The following SYTL2 variants were observed in gnomAD, a reference collection of about 807,000 sequenced individuals.
SYTL2 encodes synaptotagmin like 2.
Under a neutral mutation model 198.7 loss-of-function variants are expected in SYTL2, and 165 were observed. That is an observed-to-expected ratio of 0.83 (90% CI 0.73 to 0.94). The LOEUF is 0.94. Ranked by LOEUF, SYTL2 falls within the 40% of genes least tolerant of loss-of-function variation. SYTL2 has a pLI of 0.00. For missense variants in SYTL2, 2,835 were observed against 2,582.8 expected, an observed-to-expected ratio of 1.10 and a Z score of -2.12; for synonymous variants, 966 against 917.7, an observed-to-expected ratio of 1.05 and a Z score of -0.95.
chr11:85,786,650 G>A (rs2092640388), intron 1 of SYTL2, among the ~76,000 whole-genome samples: 1 of 152,168 alleles, frequency 6.6e-6, no homozygotes, highest in Admixed American at 6.5e-5. Context: ...TGCATGGCAG[G>A]TCGAGAGAGG....
the SYTL2 span, among the ~76,000 whole-genome samples, chr11:85,822,783 C>G: frequency 1.3e-5 from 2 of 152,174 alleles, no homozygotes; most frequent in Non-Finnish European, 2.9e-5. Context: ...ATCCAAAGAG[C>G]CTGGCAGAGA....
intron 3 of SYTL2, 53 bp from the exon 4 acceptor site, chr11:85,745,825 A>G: frequency 1.3e-6 from 2 of 1,558,340 alleles, no homozygotes; most frequent in East Asian, 2.3e-5. Flanking sequence ...TCCATGACCT[A>G]CAACTCTCTT....
In SYTL2 at chr11:85,745,712, T is replaced by C. The variant is rs1200626089; in HGVS notation, c.314A>G (p.Lys105Arg). 2 of 1,613,744 alleles carry C rather than the reference T, an allele frequency of 1.2e-6. No individual in the cohort carries two copies. Among genetic ancestry groups the C allele is most frequent in the South Asian group, 2.2e-5 (2 of 91,072 alleles). The change falls in exon 4 of 20, where the codon AAA becomes AGA. Residue 105 changes from lysine to arginine, a missense_variant. By Grantham distance (26) the Lys-to-Arg change is conservative. This residue lies in a region of SYTL2 where 2,645 missense variants were observed against 2,381.7 expected (regional missense o/e 1.11). Transcript: ENST00000359152. ...CAGCTCTGGAGGAAGGAAAGCATCT[T>C]TGTTGACATTATTCACCCAGCTTTC... ...AKESWVNNVN[K>R]DAFLPPELAG...
rs1217210557 is a variant in SYTL2 at position 85,727,969 on chromosome 11, T to C, written c.1391-2A>G. The C allele has an allele frequency of 6.4e-7, 1 of 1,574,608 alleles. No individual in the cohort carries two copies. On this transcript the variant is annotated splice_acceptor_variant, in intron 7 of 19. Transcript: ENST00000359152. LOFTEE classifies it high-confidence loss of function. Reference sequence around the variant, plus strand: ...GCTCAACACAATGAGACAGTTCATCTGCAACATAGAAATACTTTTCTAAAT... The same window carrying C: ...GCTCAACACAATGAGACAGTTCATCCGCAACATAGAAATACTTTTCTAAAT...
the SYTL2 span, among the ~76,000 whole-genome samples, chr11:85,835,877 T>G: frequency 6.6e-6 from 1 of 152,186 alleles, no homozygotes; most frequent in South Asian, 2.1e-4. Context: ...GGACAAGGTT[T>G]GAGAAAGAAG....
In SYTL2 at chr11:85,709,760, G is replaced by A. The variant is rs375502923; in HGVS notation, c.5746-260C>T. On this transcript the variant is annotated intron_variant, in intron 13 of 19. Coordinates refer to ENST00000359152, the MANE Select transcript of SYTL2 (RefSeq NM_206927.4). The stretch of plus-strand genomic sequence containing the variant: ...TGCAGTGGCTTGATCTCGGCTCACT[G>A]CAACCTCCACCTCCCAGGTTCAGGC... Among the ~76,000 whole-genome samples, 93 of 152,264 alleles carry A rather than the reference G, an allele frequency of 6.1e-4. 2 individuals are homozygous for A. The South Asian group carries it at 0.019, about 31-fold the overall frequency.
At chr11:85,837,046 G>C in the SYTL2 span, among the ~76,000 whole-genome samples, 1 of 152,186 alleles carries the variant, frequency 6.6e-6, no homozygotes. Context: ...GTAGTGAGGA[G>C]AGAAAATTCC....
chr11:85,852,155 C>T, the SYTL2 span, among the ~76,000 whole-genome samples: 16 of 152,226 alleles, frequency 1.1e-4, no homozygotes, highest in East Asian at 2.9e-3. Context: ...ATTAATATAA[C>T]ACAGCATGAA....
At chr11:85,786,108 G>C (rs183837349) in intron 1 of SYTL2, among the ~76,000 whole-genome samples, 2 of 152,276 alleles carry the variant, frequency 1.3e-5, no homozygotes, top group East Asian at 1.9e-4. Flanking sequence ...CAACTTGGAT[G>C]AATCTCAAGG....
rs1485419707 is a variant in SYTL2, at chr11:85,726,611, A to G, written c.2747T>C (p.Val916Ala). 1 of 1,548,766 alleles carries G rather than the reference A, an allele frequency of 6.5e-7. No individual in the cohort carries two copies. Among genetic ancestry groups the G allele is most frequent in the South Asian group, 1.2e-5 (1 of 86,142 alleles). Residue 916 changes from valine (V) to alanine (A), a missense_variant, in exon 8 of 20, where the codon GTG becomes GCG. This residue lies in a region of SYTL2 where 2,645 missense variants were observed against 2,381.7 expected (regional missense o/e 1.11). Transcript: ENST00000359152. ...KKNEPIKRSQ[V>A]ADSLPSRRNI... ...TCTTCTAGAAGGCAAACTGTCTGCC[A>G]CTTGTGATCTTTTTATAGGCTCATT...
the SYTL2 span, among the ~76,000 whole-genome samples, chr11:85,837,533 G>A: frequency 1.3e-5 from 2 of 152,128 alleles, no homozygotes; most frequent in Non-Finnish European, 2.9e-5. Context: ...CCTATCAGAA[G>A]AATATACTTC....
At position 85,726,657 on chromosome 11, in the gene SYTL2, A is replaced by G. The variant is rs2153468120; in HGVS notation, c.2701T>C (p.Ser901Pro). 1 of 1,536,870 alleles carries G rather than the reference A, an allele frequency of 6.5e-7. No individual in the cohort carries two copies. The highest frequency in any genetic ancestry group is 8.7e-7 in the Non-Finnish European group (1 of 1,147,098). Residue 901 changes from serine to proline, a missense_variant, in exon 8 of 20, where the codon TCT becomes CCT. By Grantham distance (74) the Ser-to-Pro change is moderately conservative. Around this residue, in one of 3 missense-constraint regions of SYTL2, gnomAD observed 2,645 missense variants for 2,381.7 expected, o/e 1.11. Coordinates refer to ENST00000359152, the MANE Select transcript of SYTL2 (RefSeq NM_206927.4). ...TCATTTTTCTTATTCTGAAACAGAG[A>G]CACTTTATCTGATTGCTCAGCTGAA... Reference protein sequence around the residue: ...YLSAEQSDKVSLFQNKKNEPI... With the variant: ...YLSAEQSDKVPLFQNKKNEPI...
intron 1 of SYTL2, among the ~76,000 whole-genome samples, chr11:85,766,080 G>A (rs2092230820): frequency 6.6e-6 from 1 of 152,158 alleles, no homozygotes; most frequent in Non-Finnish European, 1.5e-5. Context: ...AGAGAAGGAG[G>A]TAGGCATTCT....
chr11:85,752,939 A>C (rs1356913992), intron 2 of SYTL2, among the ~76,000 whole-genome samples: 5 of 142,484 alleles, frequency 3.5e-5, no homozygotes, highest in African/African-American at 1.1e-4. Flanking sequence ...AAAAAAAAAA[A>C]AAAAAAAAAA....
At chr11:85,754,862 A>G (rs1169030425) in intron 2 of SYTL2, among the ~76,000 whole-genome samples, 2 of 152,144 alleles carry the variant, frequency 1.3e-5, no homozygotes, top group African/African-American at 4.8e-5. Flanking sequence ...CCTTTCTGAA[A>G]GAATAACAAC....
At chr11:85,816,283 G>A in the SYTL2 span, among the ~76,000 whole-genome samples, 1 of 152,170 alleles carries the variant, frequency 6.6e-6, no homozygotes, top group African/African-American at 2.4e-5. Context: ...TCTTTCATCT[G>A]TGACTGTCAA....
In SYTL2 at chr11:85,744,766, T is replaced by C. The variant is rs139826073; in HGVS notation, c.389+871A>G. ...AAGACTCTGAATTGAACTAACTTAA[T>C]TGAGGAGCTACAGGTAAAAGGCAAC... is the stretch of plus-strand genomic sequence containing the variant. On this transcript the variant is annotated intron_variant, in intron 4 of 19. Transcript: ENST00000359152. Among the ~76,000 whole-genome samples, 847 of 152,298 alleles carry C rather than the reference T, an allele frequency of 5.6e-3. 5 individuals carry two copies. The highest frequency in any genetic ancestry group is 9.3e-3 in the Non-Finnish European group (631 of 68,018).
intron 13 of SYTL2, among the ~76,000 whole-genome samples, chr11:85,710,762 G>A (rs965578192): frequency 1.3e-5 from 2 of 152,138 alleles, no homozygotes; most frequent in African/African-American, 4.8e-5. Flanking sequence ...TTCTATGCCT[G>A]CAAATCATAT....
In SYTL2 at chr11:85,725,848, T is replaced by C. The variant is rs933183872; in HGVS notation, c.3510A>G (p.Thr1170=). The C allele has an allele frequency of 4.3e-6, 7 of 1,613,902 alleles. No individual in the cohort carries two copies. Among genetic ancestry groups the C allele is most frequent in the African/African-American group, 1.3e-5 (1 of 75,046 alleles). The change falls in exon 8 of 20, where the codon ACA becomes ACG. Residue 1170 remains threonine, a synonymous_variant. Transcript: ENST00000359152. The part of the protein sequence containing the change: ...VLEPSVSENR[T]WPQKTDFADT... Reference sequence around the variant, plus strand: ...CAGCAAAATCTGTTTTTTGAGGCCATGTCCTATTTTCAGAAACACTTGGTT... The same window carrying C: ...CAGCAAAATCTGTTTTTTGAGGCCACGTCCTATTTTCAGAAACACTTGGTT...
Sources: gnomAD v4.1 joint callset for allele counts (sites outside exome capture counted in the v4.1 genomes callset) on GRCh38, gnomAD v4.1.1 for gene constraint, gnomAD v4.1.1 regional missense constraint, MANE v1.5 for transcripts, NCBI Gene and HGNC (gene_info 2026-07-23, HGNC 2026-07-21) for gene names.